TMEM65: variants seen among roughly 807,000 people sequenced by gnomAD.
The protein encoded by TMEM65 is transmembrane protein 65.
In TMEM65, 22 loss-of-function variants were observed where a neutral mutation model predicts 25.4. That is an observed-to-expected ratio of 0.86 (90% CI 0.62 to 1.23). The LOEUF is 1.23. TMEM65 is among the 50% of genes most tolerant of loss of function. The probability of loss-of-function intolerance (pLI) is 0.00; values close to 1 mark genes in which losing one functional copy is unlikely to be tolerated. For missense variants in TMEM65, 262 were observed against 308.2 expected (o/e 0.85, Z 1.12); for synonymous variants, 132 against 126.2 (o/e 1.05, Z -0.31).
chr8:124,371,699 CA>C (rs1815015389), intron 1 of TMEM65, among the ~76,000 whole-genome samples, 154 bp downstream of exon 1: 1 of 152,114 alleles, frequency 6.6e-6, no homozygotes. Flanking sequence ...TCCCCGCCCC[CA>C]GCCGTCCCAG....
At chr8:124,323,462 G>A (rs1814331494) in intron 3 of TMEM65, 87 bp from the exon 4 acceptor site, 1 of 673,868 alleles carries the variant, frequency 1.5e-6, no homozygotes, top group East Asian at 3.3e-5. Context: ...ACAGATACAA[G>A]TTAAATCAAC....
At chr8:124,319,735 G>A (rs1231850848) in intron 6 of TMEM65, among the ~76,000 whole-genome samples, 1 of 152,002 alleles carries the variant, frequency 6.6e-6, no homozygotes, top group African/African-American at 2.4e-5. Flanking sequence ...TACTGCATAT[G>A]TCATACCAAA....
chr8:124,361,813 G>A (rs979898781), intron 1 of TMEM65, among the ~76,000 whole-genome samples: 7 of 151,886 alleles, frequency 4.6e-5, no homozygotes, highest in African/African-American at 1.7e-4. Flanking sequence ...TGCAGCCTGG[G>A]CAACAGAGCA....
intron 1 of TMEM65, among the ~76,000 whole-genome samples, chr8:124,360,258 G>A (rs1380830085): frequency 1.3e-5 from 2 of 151,904 alleles, no homozygotes; most frequent in African/African-American, 2.4e-5. Context: ...GTGAAACTCA[G>A]TCTCTACTAA....
At chr8:124,344,199 G>A (rs1814616750) in intron 1 of TMEM65, among the ~76,000 whole-genome samples, 1 of 152,196 alleles carries the variant, frequency 6.6e-6, no homozygotes, top group Admixed American at 6.5e-5. Flanking sequence ...AGGAACCAAT[G>A]TGGTTTAGGG....
At position 124,361,954 on chromosome 8, in the gene TMEM65, G is replaced by A. The variant is rs534705269; in HGVS notation, c.304+9900C>T. ...AGCCCAGGCTGGAGTGCAACGACAG[G>A]ATCTCGGCTCACTGCAACCTCTGCC... On this transcript the variant is annotated intron_variant, in intron 1 of 6. Transcript: ENST00000297632. Among the ~76,000 whole-genome samples, 3 of 151,042 alleles carry A rather than the reference G, an allele frequency of 2.0e-5. No individual in the cohort carries two copies. In the East Asian group the frequency reaches 6.0e-4, roughly 30 times the overall value.
At chr8:124,354,093 G>C (rs915562188) in intron 1 of TMEM65, among the ~76,000 whole-genome samples, 1 of 152,054 alleles carries the variant, frequency 6.6e-6, no homozygotes, top group African/African-American at 2.4e-5. Flanking sequence ...TGAGGAAAGA[G>C]AGAAACCCAA....
At chr8:124,315,576 C>T (rs1301625762) in intron 6 of TMEM65, among the ~76,000 whole-genome samples, 1 of 152,116 alleles carries the variant, frequency 6.6e-6, no homozygotes, top group Non-Finnish European at 1.5e-5. Context: ...CCGCCTCGGC[C>T]TCCCAAAGTG....
At chr8:124,336,739 A>G (rs1317952916) in intron 1 of TMEM65, among the ~76,000 whole-genome samples, 1 of 151,948 alleles carries the variant, frequency 6.6e-6, no homozygotes, top group African/African-American at 2.4e-5. Context: ...GTCTAAAATA[A>G]ATAAACTACA....
chr8:124,312,597 A>C lies in TMEM65; in HGVS notation c.*1363T>G, dbSNP rs1478062304. The C allele has an allele frequency of 1.3e-5, 2 of 151,992 alleles. No individual in the cohort carries two copies. Among genetic ancestry groups the C allele is most frequent in the Non-Finnish European group, 2.9e-5 (2 of 67,874 alleles). 9.4% of individuals were successfully genotyped at this position (151,992 alleles called of 1,614,324 possible). ...TGATGTGTTTAATTACGCTGTTACA[A>C]GTAAGACTAATTTTTTAGCATGTGT... On this transcript the variant is annotated 3_prime_UTR_variant, in exon 7 of 7. Transcript: ENST00000297632.
rs1035135854 is a variant in TMEM65, at chr8:124,372,187, C to G, written c.-30G>C. The G allele has an allele frequency of 3.9e-6, 5 of 1,286,146 alleles. No homozygotes were observed. In the African/African-American group the frequency reaches 8.1e-5, roughly 21 times the overall value. 79.7% of individuals were successfully genotyped at this position (1,286,146 alleles called of 1,614,324 possible). A position where few individuals can be genotyped will look rare whatever the true frequency, so the allele number is the denominator to read the frequency against. Reference sequence around the variant, plus strand: ...AGCTGAGGAGCTGGGACCCCCGCGGCCGTCCGGCAAGGCGGTTTCTGGCGC... The same window carrying G: ...AGCTGAGGAGCTGGGACCCCCGCGGGCGTCCGGCAAGGCGGTTTCTGGCGC... On this transcript the variant is annotated 5_prime_UTR_variant, in exon 1 of 7. Coordinates refer to ENST00000297632, the MANE Select transcript of TMEM65 (RefSeq NM_194291.3).
chr8:124,316,578 G>A (rs541942919), intron 6 of TMEM65, among the ~76,000 whole-genome samples: 1 of 152,228 alleles, frequency 6.6e-6, no homozygotes, highest in Non-Finnish European at 1.5e-5. Flanking sequence ...AAACCAGTGA[G>A]GGGTTTATCA....
chr8:124,328,970 A>G (rs769996124), intron 2 of TMEM65, among the ~76,000 whole-genome samples: 4 of 152,020 alleles, frequency 2.6e-5, no homozygotes, highest in Non-Finnish European at 4.4e-5. Flanking sequence ...ACCACGGGAC[A>G]ATACTATATA....
chr8:124,307,275 T>C lies in TMEM65; in HGVS notation c.*6685A>G, dbSNP rs185756317. 5 of 152,298 alleles carry C rather than the reference T, an allele frequency of 3.3e-5. No individual in the cohort carries two copies. Among genetic ancestry groups the C allele is most frequent in the Admixed American group, 2.6e-4 (4 of 15,304 alleles). The allele number at this position is 152,298 out of a possible 1,614,324, so 9.4% of individuals were successfully genotyped here. ...TTTTTCATCATGTTTAGTACAACCA[T>C]AAACCTTGCAATAATACCAAGGGAC... On this transcript the variant is annotated 3_prime_UTR_variant, in exon 7 of 7. Transcript: ENST00000297632.
chr8:124,333,720 C>T (rs1814466007), intron 1 of TMEM65, among the ~76,000 whole-genome samples: 2 of 152,072 alleles, frequency 1.3e-5, no homozygotes, highest in African/African-American at 4.8e-5. Flanking sequence ...ATTATTGAAA[C>T]CAGGTTGATC....
Position 124,306,836 on chromosome 8 carries a change from C to T in TMEM65, c.*7124G>A, listed in dbSNP as rs1814097331. On this transcript the variant is annotated 3_prime_UTR_variant, in exon 7 of 7. Transcript: ENST00000297632. ...TGGGGATGCATGCCTGTAATCCCAACTACTTGGGAGGCTGAGGCAGGAGAA... is the reference window on the plus strand; with the variant it reads ...TGGGGATGCATGCCTGTAATCCCAATTACTTGGGAGGCTGAGGCAGGAGAA... 6.6e-6 allele frequency: 1 copy of T among 152,042 alleles called. No homozygotes were observed. Among genetic ancestry groups the T allele is most frequent in the African/African-American group, 2.4e-5 (1 of 41,354 alleles). The allele number at this position is 152,042 out of a possible 1,614,324, so 9.4% of individuals were successfully genotyped here.
intron 1 of TMEM65, among the ~76,000 whole-genome samples, chr8:124,355,246 G>GA (rs796395506): frequency 0.048 from 6,893 of 143,972 alleles, 544 homozygotes; most frequent in African/African-American, 0.16. Context: ...CCTTTGAGCA[G>GA]AAAAAAAAAA....
At chr8:124,341,182 G>A (rs570665803) in intron 1 of TMEM65, among the ~76,000 whole-genome samples, 6 of 152,100 alleles carry the variant, frequency 3.9e-5, no homozygotes, top group African/African-American at 1.2e-4. Context: ...TATAAAGTAT[G>A]AGGCTGTTTT....
rs1490750780 is a variant in TMEM65 at position 124,306,640 on chromosome 8, A to G, written c.*7320T>C. 1.3e-5 allele frequency: 2 copies of G among 152,210 alleles called. No homozygotes were observed. Among genetic ancestry groups the G allele is most frequent in the African/African-American group, 4.8e-5 (2 of 41,454 alleles). The allele number at this position is 152,210 out of a possible 1,614,324, so 9.4% of individuals were successfully genotyped here. ...TTATCATTTACTACCATAAATATAT[A>G]CAAATCTATTATGAAAAGTTAAAAT... is the stretch of plus-strand genomic sequence containing the variant. On this transcript the variant is annotated 3_prime_UTR_variant, in exon 7 of 7. Coordinates refer to ENST00000297632, the MANE Select transcript of TMEM65 (RefSeq NM_194291.3).
Sources: allele counts gnomAD v4.1 joint callset (sites outside exome capture counted in the v4.1 genomes callset), GRCh38; gene constraint gnomAD v4.1.1; transcripts MANE v1.5; gene names NCBI Gene and HGNC (gene_info 2026-07-23, HGNC 2026-07-21).